PKIG: variants seen among roughly 807,000 people sequenced by gnomAD.
PKIG encodes protein kinase (cAMP-dependent, catalytic) inhibitor gamma.
PKIG carries 1 observed loss-of-function variant against 6.8 expected under a neutral mutation model. The ratio of observed to expected loss-of-function variants is 0.15; its 90% CI spans 0.05 to 0.69. The LOEUF is 0.69. Ranked by LOEUF, PKIG falls within the 30% of genes least tolerant of loss-of-function variation. PKIG has a pLI of 0.82. For synonymous variants in PKIG, 39 were observed against 43.0 expected (o/e 0.91, Z 0.36); for missense variants, 77 against 104.0 (o/e 0.74, Z 1.13).
At chr20:44,610,656 G>A (rs2065210162) in intron 2 of PKIG, among the ~76,000 whole-genome samples, 1 of 152,136 alleles carries the variant, frequency 6.6e-6, no homozygotes, top group African/African-American at 2.4e-5. Flanking sequence ...AAAAAATATA[G>A]ACTTAGAAAA....
chr20:44,602,287 C>T (rs1208852265), intron 2 of PKIG, among the ~76,000 whole-genome samples: 1 of 152,180 alleles, frequency 6.6e-6, no homozygotes, highest in Admixed American at 6.5e-5. Flanking sequence ...CAGCAAAAAC[C>T]ACCTCCTCAG....
chr20:44,533,363 A>G (rs1339293602), intron 1 of PKIG, among the ~76,000 whole-genome samples: 1 of 152,226 alleles, frequency 6.6e-6, no homozygotes, highest in South Asian at 2.1e-4. Context: ...ATCTTCTTCT[A>G]TGTGCAAGGC....
At chr20:44,607,447 G>A (rs957687061) in intron 2 of PKIG, among the ~76,000 whole-genome samples, 4 of 145,508 alleles carry the variant, frequency 2.7e-5, no homozygotes, top group Admixed American at 2.1e-4. Context: ...CGCAATCCCG[G>A]CTCACTGCAG....
intron 3 of PKIG, among the ~76,000 whole-genome samples, chr20:44,617,511 G>A (rs772651691): frequency 1.3e-5 from 2 of 152,096 alleles, no homozygotes; most frequent in African/African-American, 4.8e-5. Flanking sequence ...CCTTGCACAG[G>A]GGGGCTCAAG....
intron 1 of PKIG, among the ~76,000 whole-genome samples, chr20:44,534,416 C>T (rs866804018): frequency 6.6e-6 from 1 of 151,254 alleles, no homozygotes; most frequent in African/African-American, 2.4e-5. Context: ...TCATTGTCGG[C>T]AGATAGCAGG....
At chr20:44,618,142 C>T in intron 3 of PKIG, 143 bp from the exon 4 acceptor site, 1 of 680,754 alleles carries the variant, frequency 1.5e-6, no homozygotes, top group Non-Finnish European at 2.7e-6. Flanking sequence ...CCATAGGCCA[C>T]CACCACCTCA....
chr20:44,604,638 CGTT>C (rs1039269318), intron 2 of PKIG, among the ~76,000 whole-genome samples: 12 of 152,152 alleles, frequency 7.9e-5, no homozygotes, highest in African/African-American at 2.4e-4. Flanking sequence ...CGTGCCTACT[CGTT>C]GTGTTTAGGG....
intron 1 of PKIG, among the ~76,000 whole-genome samples, chr20:44,543,899 C>G (rs750342857): frequency 1.3e-5 from 2 of 151,926 alleles, no homozygotes; most frequent in Non-Finnish European, 1.5e-5. Flanking sequence ...CCCGTCTCTA[C>G]TAAAAATACA....
Position 44,593,364 on chromosome 20 carries a change from AACACACACACACAC to A in PKIG, c.-24+3533_-24+3546del, listed in dbSNP as rs55947972. On this transcript the variant is annotated intron_variant, in intron 2 of 3. Coordinates refer to ENST00000372886, the MANE Select transcript of PKIG (RefSeq NM_001281445.2). ...AAAAAATTATAATGCTATAATAATC[AACACACACACACAC>A]ACACACACACACACACACACACACA... 9.1e-3 allele frequency among the ~76,000 whole-genome samples: 1,202 copies of A among 132,538 alleles called. 7 individuals are homozygous for A. The highest frequency in any genetic ancestry group is 0.031 in the African/African-American group (1,071 of 35,110). 87.0% of individuals were successfully genotyped at this position (132,538 alleles called of 152,430 possible). A position where few individuals can be genotyped will look rare whatever the true frequency, so the allele number is the denominator to read the frequency against.
chr20:44,539,870 C>T (rs1276869280), intron 1 of PKIG, among the ~76,000 whole-genome samples: 1 of 152,096 alleles, frequency 6.6e-6, no homozygotes, highest in Admixed American at 6.5e-5. Flanking sequence ...CTTTTTTCCC[C>T]CTTTGCCATT....
At chr20:44,617,713 C>T (rs1002280142) in intron 3 of PKIG, among the ~76,000 whole-genome samples, 28 of 152,096 alleles carry the variant, frequency 1.8e-4, no homozygotes, top group Admixed American at 1.1e-3. Flanking sequence ...CACCCTGGCG[C>T]TCCCTGAGCT....
chr20:44,617,988 C>A (rs1290257747), intron 3 of PKIG, among the ~76,000 whole-genome samples: 2 of 151,794 alleles, frequency 1.3e-5, no homozygotes, highest in Admixed American at 6.6e-5. Flanking sequence ...CTCTGGGGAA[C>A]CTGCACAAAC....
chr20:44,578,147 TGGTTAACAC>T (rs2064915365), upstream of PKIG, among the ~76,000 whole-genome samples: 1 of 151,816 alleles, frequency 6.6e-6, no homozygotes, highest in Non-Finnish European at 1.5e-5. Context: ...GAGACCATCC[TGGTTAACAC>T]GGTGAAACCC....
At chr20:44,571,713 A>G (rs748562114) in intron 1 of PKIG, among the ~76,000 whole-genome samples, 54 of 152,226 alleles carry the variant, frequency 3.5e-4, no homozygotes, top group African/African-American at 1.3e-3. Flanking sequence ...GGTTTTTCCA[A>G]ACAAATTCAT....
At chr20:44,594,137 T>C (rs1464173762) in intron 2 of PKIG, among the ~76,000 whole-genome samples, 1 of 152,228 alleles carries the variant, frequency 6.6e-6, no homozygotes, top group African/African-American at 2.4e-5. Context: ...AAGATTTCAC[T>C]TGAGCTTTTT....
chr20:44,567,151 G>A (rs996228359), intron 1 of PKIG, among the ~76,000 whole-genome samples: 13 of 152,218 alleles, frequency 8.5e-5, no homozygotes, highest in East Asian at 5.8e-4. Flanking sequence ...ACAGATCCTA[G>A]TGCTACCTAG....
intron 1 of PKIG, among the ~76,000 whole-genome samples, chr20:44,533,385 A>C (rs2064484998): frequency 6.6e-6 from 1 of 152,222 alleles, no homozygotes; most frequent in Non-Finnish European, 1.5e-5. Context: ...CTGTGTAGGT[A>C]GTAAGGAAGC....
chr20:44,562,904 C>G (rs988821563), intron 1 of PKIG, among the ~76,000 whole-genome samples: 3 of 152,030 alleles, frequency 2.0e-5, no homozygotes, highest in Non-Finnish European at 4.4e-5. Context: ...ACTAAAAATA[C>G]AAAAATTAGC....
chr20:44,544,880 CTCTT>C (rs1191236928), intron 1 of PKIG, among the ~76,000 whole-genome samples: 1 of 150,160 alleles, frequency 6.7e-6, no homozygotes, highest in Non-Finnish European at 1.5e-5. Context: ...ATTGACTTTC[CTCTT>C]TCTTTTCTTT....
Sources: allele counts gnomAD v4.1 joint callset (sites outside exome capture counted in the v4.1 genomes callset), GRCh38; gene constraint gnomAD v4.1.1; transcripts MANE v1.5; gene names NCBI Gene and HGNC (gene_info 2026-07-23, HGNC 2026-07-21).